NR4A1: variants seen among roughly 807,000 people sequenced by gnomAD.
NR4A1 encodes the protein nuclear receptor subfamily 4 group A member 1.
Under a neutral mutation model 47.5 loss-of-function variants are expected in NR4A1, and 24 were observed. The ratio of observed to expected loss-of-function variants is 0.50; its 90% CI spans 0.37 to 0.71. The LOEUF is 0.71. Ranked by LOEUF, NR4A1 falls within the 30% of genes least tolerant of loss-of-function variation. NR4A1 has a pLI of 0.00. For missense variants in NR4A1, 669 were observed against 788.6 expected (o/e 0.85, Z 1.82); for synonymous variants, 353 against 345.7 (o/e 1.02, Z -0.24).
intron 1 of NR4A1, among the ~76,000 whole-genome samples, chr12:52,053,179 G>A (rs1939072190): frequency 6.6e-6 from 1 of 152,090 alleles, no homozygotes; most frequent in Non-Finnish European, 1.5e-5. Flanking sequence ...GACTGTCCTG[G>A]AGCCTCCTCT....
intron 6 of NR4A1, 94 bp downstream of exon 6, chr12:52,057,624 C>T (rs967449048): frequency 2.2e-5 from 31 of 1,433,116 alleles, no homozygotes; most frequent in Middle Eastern, 2.5e-4. Context: ...TTTGGTGGGC[C>T]GGGATCTAGC....
intron 2 of NR4A1, among the ~76,000 whole-genome samples, chr12:52,045,068 A>G (rs1358833809): frequency 6.6e-6 from 1 of 152,200 alleles, no homozygotes; most frequent in Non-Finnish European, 1.5e-5. Context: ...TCTCCAGAGT[A>G]TTAATTGACC....
chr12:52,034,818 T>G (rs770177746), intron 1 of NR4A1, among the ~76,000 whole-genome samples: 11 of 152,204 alleles, frequency 7.2e-5, no homozygotes, highest in Non-Finnish European at 1.5e-4. Flanking sequence ...GGTAAGCACC[T>G]TGGATGTACA....
upstream of NR4A1, among the ~76,000 whole-genome samples, chr12:52,050,133 G>A (rs929866650): frequency 6.6e-6 from 1 of 152,174 alleles, no homozygotes; most frequent in African/African-American, 2.4e-5. Context: ...ACTTTTCCGT[G>A]AGGGCTCCCC....
intron 1 of NR4A1, chr12:52,038,687 G>A (rs753742791): frequency 1.3e-6 from 1 of 763,602 alleles, no homozygotes; most frequent in Admixed American, 1.7e-5. Context: ...CTGACTCCGT[G>A]TAGTCATCCA....
At position 52,056,224 on chromosome 12, in the gene NR4A1, C is replaced by G. The variant is rs1013316862; in HGVS notation, c.1006+65C>G. The G allele has an allele frequency of 4.6e-6, 7 of 1,517,054 alleles. No homozygotes were observed. In the Admixed American group the frequency reaches 1.1e-4, roughly 24 times the overall value. 94.0% of individuals were successfully genotyped at this position (1,517,054 alleles called of 1,614,324 possible). On this transcript the variant is annotated intron_variant, in intron 3 of 6. Transcript: ENST00000394825. ...CTTGAGTGGAGTGGGACCAGCAGGG[C>G]CCCCAGGCTTCTGCCCTGGAGGACC...
Position 52,055,103 on chromosome 12 carries a change from G to T in NR4A1, c.775G>T (p.Ala259Ser). The T allele has an allele frequency of 1.2e-6, 2 of 1,614,222 alleles. No individual in the cohort carries two copies. The highest frequency in any genetic ancestry group is 2.2e-5 in the East Asian group (1 of 44,886). Residue 259 changes from alanine (A) to serine (S), a missense_variant, in exon 2 of 7, where the codon GCC becomes TCC. Transcript: ENST00000394825. ...PVTSTKARSG[A>S]PGGSEGRCAV... is the part of the protein sequence containing the mutation. ...GACCTCAACCAAGGCCCGGAGCGGG[G>T]CCCCAGGTGGAAGTGAAGGCCGCTG...
intron 1 of NR4A1, among the ~76,000 whole-genome samples, chr12:52,032,182 G>A (rs1296137163): frequency 6.6e-6 from 1 of 152,148 alleles, no homozygotes; most frequent in Non-Finnish European, 1.5e-5. Flanking sequence ...GGCTGTTTCT[G>A]GAAGAGATTA....
At chr12:52,031,127 C>T (rs1938117173) in intron 1 of NR4A1, among the ~76,000 whole-genome samples, 1 of 152,110 alleles carries the variant, frequency 6.6e-6, no homozygotes, top group African/African-American at 2.4e-5. Context: ...GTGATTCTCT[C>T]ACCTCCGCCC....
chr12:52,038,459 G>A lies in NR4A1; in HGVS notation c.-83-3351G>A, dbSNP rs1938321432. On this transcript the variant is annotated intron_variant, in intron 1 of 7. Transcript: ENST00000360284. ...TTATTTACAGTGAATTGTTAATTTG[G>A]TTGTGGGGCTAGTATTAGGGGCACA... The A allele has an allele frequency of 2.9e-5, 13 of 445,018 alleles. No individual in the cohort carries two copies. The South Asian group carries it at 3.6e-4, about 12-fold the overall frequency. 27.6% of individuals were successfully genotyped at this position (445,018 alleles called of 1,614,324 possible). A position where few individuals can be genotyped will look rare whatever the true frequency, so the allele number is the denominator to read the frequency against.
intron 2 of NR4A1, 75 bp downstream of exon 2, chr12:52,055,279 T>C (rs752790444): frequency 1.3e-6 from 2 of 1,573,144 alleles, no homozygotes; most frequent in Middle Eastern, 2.1e-4. Flanking sequence ...GGACCTGTGG[T>C]CTCCCCCTGG....
chr12:52,023,459 T>TA (rs1937930091), intron 1 of NR4A1, among the ~76,000 whole-genome samples: 1 of 152,024 alleles, frequency 6.6e-6, no homozygotes, highest in Non-Finnish European at 1.5e-5. Context: ...CCGGAGTGAG[T>TA]AACCGCCTCC....
chr12:52,031,379 G>A (rs1041969765), intron 1 of NR4A1, among the ~76,000 whole-genome samples: 1 of 149,582 alleles, frequency 6.7e-6, no homozygotes, highest in African/African-American at 2.4e-5. Flanking sequence ...GCTCACGCCT[G>A]TAATCTCAAC....
chr12:52,055,987 C>T (rs1452954664), intron 2 of NR4A1, 43 bp from the exon 3 acceptor site: 2 of 1,181,080 alleles, frequency 1.7e-6, no homozygotes, highest in South Asian at 2.0e-5. Flanking sequence ...CCCCTCCCCA[C>T]CCCACACTCT....
chr12:52,028,634 G>A (rs190093605), intron 1 of NR4A1, among the ~76,000 whole-genome samples: 7 of 150,694 alleles, frequency 4.6e-5, no homozygotes, highest in Non-Finnish European at 8.9e-5. Context: ...GGCCAGGCGC[G>A]GTAGCTCATG....
chr12:52,034,268 C>G (rs992004471), intron 1 of NR4A1, among the ~76,000 whole-genome samples: 7 of 152,184 alleles, frequency 4.6e-5, no homozygotes, highest in African/African-American at 1.7e-4. Context: ...TAGATTCTAC[C>G]CCAATGCCAG....
Position 52,055,099 on chromosome 12 carries a change from C to T in NR4A1, c.771C>T (p.Ser257=), listed in dbSNP as rs1031367806. 32 of 1,614,094 alleles carry T rather than the reference C, an allele frequency of 2.0e-5. No homozygotes were observed. The highest frequency in any genetic ancestry group is 4.4e-5 in the South Asian group (4 of 91,092). ...CCGTGACCTCAACCAAGGCCCGGAGCGGGGCCCCAGGTGGAAGTGAAGGCC... is the reference window on the plus strand; with the variant it reads ...CCGTGACCTCAACCAAGGCCCGGAGTGGGGCCCCAGGTGGAAGTGAAGGCC... ...DTPVTSTKAR[S]GAPGGSEGRC... The change falls in exon 2 of 7, where the codon AGC becomes AGT. Residue 257 remains serine, a synonymous_variant. Transcript: ENST00000394825.
chr12:52,046,900 A>G (rs565570759), upstream of NR4A1, among the ~76,000 whole-genome samples: 5 of 152,262 alleles, frequency 3.3e-5, no homozygotes, highest in Admixed American at 2.6e-4. Flanking sequence ...AGGAAGGGAA[A>G]CAGTATGCAC....
intron 2 of NR4A1, 153 bp from the exon 3 acceptor site, chr12:52,055,877 C>A: frequency 2.3e-6 from 1 of 442,106 alleles, no homozygotes; most frequent in Non-Finnish European, 4.0e-6. Flanking sequence ...CCCCGTCTCT[C>A]CCTCCCTTGC....
Sources: allele counts gnomAD v4.1 joint callset (sites outside exome capture counted in the v4.1 genomes callset), GRCh38; gene constraint gnomAD v4.1.1; transcripts MANE v1.5; gene names NCBI Gene and HGNC (gene_info 2026-07-23, HGNC 2026-07-21).